The following RNF185 variants were observed in gnomAD, a reference collection of about 807,000 sequenced individuals.
RNF185 encodes ring finger protein 185.
RNF185 carries 13 observed loss-of-function variants against 24.9 expected under a neutral mutation model. The ratio of observed to expected loss-of-function variants is 0.52; its 90% CI spans 0.34 to 0.83. RNF185 has a LOEUF of 0.83. Among genes scored for constraint, RNF185 ranks in the 40% least tolerant of loss-of-function variants. RNF185 has a pLI of 0.01. For missense variants in RNF185, 184 were observed against 244.7 expected (o/e 0.75, Z 1.65); for synonymous variants, 79 against 90.3 (o/e 0.88, Z 0.71).
chr22:31,191,121 C>T (rs114011932), intron 2 of RNF185, among the ~76,000 whole-genome samples: 278 of 152,292 alleles, frequency 1.8e-3, no homozygotes, highest in African/African-American at 6.5e-3. Flanking sequence ...TTATCCCTGT[C>T]GTTCAGTGAT....
chr22:31,176,240 ATT>A (rs200812843), intron 1 of RNF185, among the ~76,000 whole-genome samples: 3 of 144,876 alleles, frequency 2.1e-5, no homozygotes, highest in Non-Finnish European at 3.1e-5. Context: ...AATAAATTCA[ATT>A]TTTTTTTTTT....
chr22:31,195,017 A>G (rs1029685634), intron 3 of RNF185, among the ~76,000 whole-genome samples: 3 of 151,942 alleles, frequency 2.0e-5, no homozygotes, highest in Non-Finnish European at 1.5e-5. Flanking sequence ...CAGTGGTGCA[A>G]TCTCGGCTCA....
In RNF185 at chr22:31,188,247, G is replaced by A. The variant is rs190048961; in HGVS notation, c.176+977G>A. Among the ~76,000 whole-genome samples the A allele has an allele frequency of 2.2e-3, 333 of 152,268 alleles. 2 individuals are homozygous for A. The highest frequency in any genetic ancestry group is 4.3e-3 in the Admixed American group (65 of 15,288). The stretch of plus-strand genomic sequence containing the variant: ...AGAGAAATCGTGTGAAGAAAAGGCC[G>A]TTTAAACAATATTTAAGGGATTTTA... On this transcript the variant is annotated intron_variant, in intron 2 of 6. Transcript: ENST00000326132.
chr22:31,200,450 C>T (rs1000742536), intron 5 of RNF185, among the ~76,000 whole-genome samples: 18 of 152,208 alleles, frequency 1.2e-4, no homozygotes, highest in African/African-American at 4.3e-4. Flanking sequence ...AGTTATTTCA[C>T]CTCTCCAAGC....
intron 1 of RNF185, among the ~76,000 whole-genome samples, chr22:31,176,855 G>T (rs1267298867): frequency 6.6e-6 from 1 of 152,162 alleles, no homozygotes; most frequent in Non-Finnish European, 1.5e-5. Flanking sequence ...AATCTCTGTG[G>T]AAGCATTATT....
At chr22:31,203,153 AT>A (rs990135620) in intron 6 of RNF185, among the ~76,000 whole-genome samples, 28 of 152,058 alleles carry the variant, frequency 1.8e-4, no homozygotes, top group African/African-American at 6.0e-4. Flanking sequence ...GGATTACTTT[AT>A]CCCCCTGCCA....
chr22:31,183,164 C>T (rs1368067343), intron 1 of RNF185: 1 of 151,900 alleles, frequency 6.6e-6, no homozygotes, highest in Non-Finnish European at 1.5e-5. Context: ...TCTCAGGTAT[C>T]CACCTGCCTC....
At position 31,204,633 on chromosome 22, in the gene RNF185, G is replaced by C; in HGVS notation, c.*47G>C. On this transcript the variant is annotated 3_prime_UTR_variant, in exon 7 of 7. Transcript: ENST00000326132. ...CGTGGCAGGGCTCTGGACTGGTGAC[G>C]TGCCACCCCAACTCCTGGTGTTTGG... 7.4e-7 allele frequency: 1 copy of C among 1,348,312 alleles called. No individual in the cohort carries two copies. The allele number at this position is 1,348,312 out of a possible 1,614,324, so 83.5% of individuals were successfully genotyped here.
At chr22:31,194,848 G>A (rs1245258030) in intron 3 of RNF185, among the ~76,000 whole-genome samples, 1 of 152,206 alleles carries the variant, frequency 6.6e-6, no homozygotes, top group East Asian at 1.9e-4. Flanking sequence ...CTAAATTGAG[G>A]CTGGGCATGT....
At chr22:31,173,818 T>C (rs570813085) in intron 1 of RNF185, among the ~76,000 whole-genome samples, 1 of 152,338 alleles carries the variant, frequency 6.6e-6, no homozygotes, top group South Asian at 2.1e-4. Context: ...AATCTGATTT[T>C]CTCTGGGTCA....
intron 1 of RNF185, among the ~76,000 whole-genome samples, chr22:31,165,320 T>C (rs554110155): frequency 2.6e-5 from 4 of 152,330 alleles, no homozygotes; most frequent in African/African-American, 9.6e-5. Flanking sequence ...TGAAGTGATA[T>C]CTCATTGTGG....
At chr22:31,202,520 ACTGC>A (rs971617471) in intron 6 of RNF185, among the ~76,000 whole-genome samples, 4 of 150,444 alleles carry the variant, frequency 2.7e-5, no homozygotes, top group Admixed American at 6.6e-5. Flanking sequence ...GTCTTTCTTG[ACTGC>A]CTGCCTGCCT....
At position 31,187,557 on chromosome 22, in the gene RNF185, A is replaced by G. The variant is rs562087527; in HGVS notation, c.176+287A>G. Among the ~76,000 whole-genome samples, 4 of 152,338 alleles carry G rather than the reference A, an allele frequency of 2.6e-5. No homozygotes were observed. The East Asian group carries it at 5.8e-4, about 22-fold the overall frequency. ...TTGCTGTGCTGAGCCTAGAGGCAGT[A>G]TAGCATAATGGTTATAAGCAAGGAC... On this transcript the variant is annotated intron_variant, in intron 2 of 6. Coordinates refer to ENST00000326132, the MANE Select transcript of RNF185 (RefSeq NM_152267.4).
chr22:31,183,531 C>T (rs922321415), intron 1 of RNF185, among the ~76,000 whole-genome samples: 4 of 152,146 alleles, frequency 2.6e-5, no homozygotes, highest in Non-Finnish European at 5.9e-5. Flanking sequence ...AGGGCCCTGC[C>T]GCCTTCCGCA....
chr22:31,191,007 A>T (rs1039615135), intron 2 of RNF185, among the ~76,000 whole-genome samples: 1 of 152,250 alleles, frequency 6.6e-6, no homozygotes, highest in Non-Finnish European at 1.5e-5. Context: ...AATAGGCTAT[A>T]CTATGTAGCC....
chr22:31,164,557 A>G (rs1266550305), intron 1 of RNF185, among the ~76,000 whole-genome samples: 1 of 149,378 alleles, frequency 6.7e-6, no homozygotes, highest in Non-Finnish European at 1.5e-5. Flanking sequence ...TGGTCTCATC[A>G]GATATCTGGG....
At chr22:31,203,009 C>T (rs2048278310) in intron 6 of RNF185, among the ~76,000 whole-genome samples, 1 of 152,142 alleles carries the variant, frequency 6.6e-6, no homozygotes. Context: ...ATAGGGTGTA[C>T]TCTGCCCTGA....
intron 3 of RNF185, 100 bp downstream of exon 3, chr22:31,192,802 C>T: frequency 9.1e-7 from 1 of 1,093,280 alleles, no homozygotes; most frequent in Admixed American, 1.8e-5. Context: ...ATCTGCCCTG[C>T]TTGTGGGCTC....
At position 31,177,344 on chromosome 22, in the gene RNF185, G is replaced by A. The variant is rs561215474; in HGVS notation, c.-48-9703G>A. Among the ~76,000 whole-genome samples the A allele has an allele frequency of 3.3e-5, 5 of 151,944 alleles. No individual in the cohort carries two copies. In the South Asian group the frequency reaches 1.0e-3, roughly 32 times the overall value. ...ACTAAGTAGATAGGAAGATTAGAGG[G>A]AACCAGAGAAAAGGACCAGTGCAGC... On this transcript the variant is annotated intron_variant, in intron 1 of 6. Coordinates refer to ENST00000326132, the MANE Select transcript of RNF185 (RefSeq NM_152267.4).
Sources: gnomAD v4.1 joint callset for allele counts (sites outside exome capture counted in the v4.1 genomes callset) on GRCh38, gnomAD v4.1.1 for gene constraint, MANE v1.5 for transcripts, NCBI Gene and HGNC (gene_info 2026-07-23, HGNC 2026-07-21) for gene names.